Variants in USP37 observed in about 807,000 individuals in gnomAD.
USP37 encodes the protein ubiquitin specific peptidase 37, also known as ubiquitin carboxyl-terminal hydrolase 37.
USP37 carries 27 observed loss-of-function variants against 124.0 expected under a neutral mutation model. That is an observed-to-expected ratio of 0.22 (90% confidence interval 0.16 to 0.30). The LOEUF (loss-of-function observed/expected upper bound fraction) is 0.30. USP37 is among the 10% of genes least tolerant of loss of function. The probability of loss-of-function intolerance (pLI) is 1.00; values close to 1 mark genes in which losing one functional copy is unlikely to be tolerated. For missense variants in USP37, 889 were observed against 1,140.4 expected (o/e 0.78, Z 3.17); for synonymous variants, 365 against 388.0 (o/e 0.94, Z 0.70).
Position 218,488,310 on chromosome 2 carries a change from GAAAAGATC to G in USP37, c.1576_1583del (p.Asp526LeufsTer2). The G allele has an allele frequency of 6.3e-7, 1 of 1,586,818 alleles. No homozygotes were observed. ...TACAAAAGATATTATTTACCCTAAA[GAAAAGATC>G]AAGAGAATCTTGAATTGAACGAGGA... On this transcript the variant is annotated frameshift_variant, in exon 15 of 26. Coordinates refer to ENST00000258399, the MANE Select transcript of USP37 (RefSeq NM_020935.3). LOFTEE classifies it high-confidence loss of function.
At chr2:218,520,272 AT>A (rs1211773525) in intron 10 of USP37, among the ~76,000 whole-genome samples, 4 of 147,816 alleles carry the variant, frequency 2.7e-5, no homozygotes, top group African/African-American at 2.5e-5. Context: ...ATATTTGTTA[AT>A]TTTTTTTCAA....
At chr2:218,560,100 T>G (rs576475832) in intron 3 of USP37, among the ~76,000 whole-genome samples, 1 of 152,234 alleles carries the variant, frequency 6.6e-6, no homozygotes, top group African/African-American at 2.4e-5. Context: ...ATTACAGTTA[T>G]AGCAAAGAAT....
chr2:218,484,240 A>G (rs1691424253), intron 16 of USP37, among the ~76,000 whole-genome samples: 1 of 152,182 alleles, frequency 6.6e-6, no homozygotes. Flanking sequence ...TCTTGGTCTC[A>G]AGCAAACCTT....
intron 16 of USP37, 22 bp from the exon 17 acceptor site, chr2:218,482,256 C>T (rs1691307944): frequency 6.2e-7 from 1 of 1,601,072 alleles, no homozygotes; most frequent in Non-Finnish European, 8.5e-7. Flanking sequence ...GAGATGACAA[C>T]CTTACTAATT....
intron 10 of USP37, among the ~76,000 whole-genome samples, chr2:218,517,654 T>C (rs1017351242): frequency 2.0e-5 from 3 of 152,180 alleles, no homozygotes; most frequent in African/African-American, 7.2e-5. Context: ...ACTTTGTCTT[T>C]ATTTCTAGAG....
chr2:218,547,223 G>A, intron 6 of USP37, 132 bp from the exon 7 acceptor site: 1 of 945,156 alleles, frequency 1.1e-6, no homozygotes, highest in Non-Finnish European at 1.5e-6. Flanking sequence ...TGTAATCCCA[G>A]AAAGCGAAGG....
intron 10 of USP37, among the ~76,000 whole-genome samples, chr2:218,521,362 A>G (rs1690609660): frequency 6.6e-6 from 1 of 152,090 alleles, no homozygotes; most frequent in Non-Finnish European, 1.5e-5. Flanking sequence ...GTTCTGGGAT[A>G]CTGTACAGAA....
intron 10 of USP37, among the ~76,000 whole-genome samples, chr2:218,518,494 A>G (rs1263933068): frequency 1.3e-5 from 2 of 152,214 alleles, no homozygotes. Flanking sequence ...ACAACCAATT[A>G]TAAGACATAA....
intron 11 of USP37, among the ~76,000 whole-genome samples, chr2:218,509,157 T>C (rs1269097610): frequency 6.6e-6 from 1 of 152,164 alleles, no homozygotes; most frequent in East Asian, 1.9e-4. Context: ...TGGTTGAAAG[T>C]TCTGTATTAA....
chr2:218,555,452 A>G (rs905407128), intron 4 of USP37, among the ~76,000 whole-genome samples: 3 of 152,246 alleles, frequency 2.0e-5, no homozygotes, highest in East Asian at 1.9e-4. Context: ...GGAAAACACA[A>G]TAATTCGTTT....
intron 8 of USP37, among the ~76,000 whole-genome samples, chr2:218,539,037 G>A (rs1259603245): frequency 6.6e-6 from 1 of 151,566 alleles, no homozygotes; most frequent in African/African-American, 2.4e-5. Flanking sequence ...GTGTGATCTC[G>A]GCTCACTGCA....
In USP37 at chr2:218,467,808, C is replaced by A. The variant is rs568879805; in HGVS notation, c.2300-1632G>T. On this transcript the variant is annotated intron_variant, in intron 20 of 25. Transcript: ENST00000258399. ...CTGTTCCTTCTCAATTTCTAGACTA[C>A]GGCTAGCTAAAATAAACAGAATAGT... 7.3e-5 allele frequency among the ~76,000 whole-genome samples: 11 copies of A among 151,498 alleles called. No homozygotes were observed. The South Asian group carries it at 2.3e-3, about 32-fold the overall frequency.
chr2:218,558,850 C>A, intron 3 of USP37, 173 bp from the exon 4 acceptor site: 1 of 446,410 alleles, frequency 2.2e-6, no homozygotes, highest in South Asian at 4.6e-5. Context: ...CTAAATTCTA[C>A]ATTTTGTATC....
chr2:218,470,291 C>G (rs1690603880), intron 20 of USP37, among the ~76,000 whole-genome samples: 1 of 152,098 alleles, frequency 6.6e-6, no homozygotes, highest in Admixed American at 6.6e-5. Context: ...TCATTCACTC[C>G]TCACATAAGA....
intron 8 of USP37, among the ~76,000 whole-genome samples, chr2:218,543,995 T>C (rs549653625): frequency 1.6e-3 from 247 of 152,198 alleles, no homozygotes; most frequent in African/African-American, 5.6e-3. Flanking sequence ...TTGATATTAA[T>C]ATTAGCAGAA....
At chr2:218,506,237 T>C (rs961921077) in intron 11 of USP37, among the ~76,000 whole-genome samples, 10 of 151,434 alleles carry the variant, frequency 6.6e-5, no homozygotes, top group African/African-American at 2.2e-4. Context: ...TTATATGTAA[T>C]ATGGGTGTAT....
intron 10 of USP37, among the ~76,000 whole-genome samples, chr2:218,529,161 T>C (rs547082195): frequency 6.6e-4 from 101 of 152,182 alleles, no homozygotes; most frequent in Non-Finnish European, 1.2e-3. Context: ...GCCTCCTAAG[T>C]AGCTATCACT....
intron 19 of USP37, among the ~76,000 whole-genome samples, chr2:218,475,668 T>C (rs1690929058): frequency 6.6e-6 from 1 of 152,160 alleles, no homozygotes; most frequent in Non-Finnish European, 1.5e-5. Flanking sequence ...AGGTGGAGGA[T>C]GCAGCAAGCT....
chr2:218,566,402 G>A (rs189074191), intron 1 of USP37, among the ~76,000 whole-genome samples: 1 of 152,170 alleles, frequency 6.6e-6, no homozygotes, highest in Non-Finnish European at 1.5e-5. Flanking sequence ...TAAAGATTCC[G>A]AATTTTATCC....
Sources: allele counts gnomAD v4.1 joint callset (sites outside exome capture counted in the v4.1 genomes callset), GRCh38; gene constraint gnomAD v4.1.1; transcripts MANE v1.5; gene names NCBI Gene and HGNC (gene_info 2026-07-23, HGNC 2026-07-21).